The following MEGF11 variants were observed in gnomAD, a reference collection of about 807,000 sequenced individuals.
MEGF11 encodes multiple epidermal growth factor-like domains protein 11.
Under a neutral mutation model 146.6 loss-of-function variants are expected in MEGF11, and 126 were observed. The observed-to-expected ratio is 0.86, with a 90% CI of 0.74 to 1.00. The LOEUF is 1.00. Ranked by LOEUF, MEGF11 falls within the 50% of genes least tolerant of loss-of-function variation. MEGF11 has a pLI of 0.00. For synonymous variants in MEGF11, 532 were observed against 583.4 expected, an observed-to-expected ratio of 0.91 and a Z score of 1.27; for missense variants, 1,509 against 1,521.2, an observed-to-expected ratio of 0.99 and a Z score of 0.13.
intron 4 of MEGF11, among the ~76,000 whole-genome samples, chr15:66,104,407 T>G (rs1007925587): frequency 6.6e-6 from 1 of 152,212 alleles, no homozygotes; most frequent in East Asian, 1.9e-4. Flanking sequence ...CCTCTTACCA[T>G]AGTTACCATG....
At chr15:66,180,704 T>C (rs11858700) in intron 1 of MEGF11, among the ~76,000 whole-genome samples, 7,344 of 152,306 alleles carry the variant, frequency 0.048, 263 homozygotes, top group East Asian at 0.074. Context: ...TTCCATTCTA[T>C]TGATCCTCCC....
At chr15:66,245,286 A>G (rs1367247664) in intron 1 of MEGF11, among the ~76,000 whole-genome samples, 2 of 152,124 alleles carry the variant, frequency 1.3e-5, no homozygotes, top group African/African-American at 4.8e-5. Flanking sequence ...CTTGGGCTTC[A>G]TCTGGTAGGT....
intron 1 of MEGF11, among the ~76,000 whole-genome samples, chr15:66,134,841 C>A (rs957119417): frequency 2.0e-5 from 3 of 152,220 alleles, no homozygotes; most frequent in Non-Finnish European, 4.4e-5. Context: ...CCGAGAAAAA[C>A]CTGGGAGCAG....
chr15:66,224,262 G>A (rs1181227599), intron 1 of MEGF11, among the ~76,000 whole-genome samples: 2 of 152,054 alleles, frequency 1.3e-5, no homozygotes, highest in African/African-American at 4.8e-5. Context: ...TGTGTGTGTG[G>A]ATAAAAGGAA....
intron 15 of MEGF11, among the ~76,000 whole-genome samples, chr15:65,918,635 T>C (rs2079078912): frequency 6.6e-6 from 1 of 152,226 alleles, no homozygotes; most frequent in Non-Finnish European, 1.5e-5. Flanking sequence ...GACCTGTTGC[T>C]CAAGCCTCTC....
intron 5 of MEGF11, among the ~76,000 whole-genome samples, chr15:66,077,073 C>T (rs1370153855): frequency 1.3e-5 from 2 of 152,202 alleles, no homozygotes; most frequent in Non-Finnish European, 2.9e-5. Context: ...CCTTCAGGGG[C>T]TCCCCATGCC....
At chr15:66,057,854 C>T (rs974263144) in intron 5 of MEGF11, among the ~76,000 whole-genome samples, 1 of 152,164 alleles carries the variant, frequency 6.6e-6, no homozygotes, top group Non-Finnish European at 1.5e-5. Flanking sequence ...AACGAAAACC[C>T]CCTTTCAGCA....
intron 5 of MEGF11, among the ~76,000 whole-genome samples, chr15:66,004,843 G>T (rs182660684): frequency 2.0e-5 from 3 of 152,196 alleles, no homozygotes; most frequent in Non-Finnish European, 4.4e-5. Context: ...ATGGGACCCG[G>T]TGTGCTGTCC....
chr15:66,217,487 T>C (rs1383552639), intron 1 of MEGF11, among the ~76,000 whole-genome samples: 2 of 152,242 alleles, frequency 1.3e-5, no homozygotes, highest in Non-Finnish European at 2.9e-5. Flanking sequence ...AACTTGTTGT[T>C]TGATGTTAAA....
chr15:65,934,567 T>G (rs539765707), intron 10 of MEGF11, among the ~76,000 whole-genome samples: 2 of 152,308 alleles, frequency 1.3e-5, no homozygotes, highest in African/African-American at 4.8e-5. Context: ...GAGGTCGTTT[T>G]GTATGCTAAT....
At chr15:66,153,799 T>C (rs2089652939) in intron 1 of MEGF11, among the ~76,000 whole-genome samples, 1 of 152,088 alleles carries the variant, frequency 6.6e-6, no homozygotes, top group Non-Finnish European at 1.5e-5. Context: ...CTTCCCACTC[T>C]ACTCCCCGGG....
At chr15:66,171,337 A>T (rs2090249823) in intron 1 of MEGF11, among the ~76,000 whole-genome samples, 1 of 152,176 alleles carries the variant, frequency 6.6e-6, no homozygotes, top group Non-Finnish European at 1.5e-5. Context: ...CTAGGGTCCC[A>T]CCAGTGGTGC....
intron 9 of MEGF11, among the ~76,000 whole-genome samples, chr15:65,964,314 C>G (rs892431141): frequency 2.6e-5 from 4 of 152,226 alleles, no homozygotes; most frequent in African/African-American, 9.7e-5. Context: ...GGGCTGGCCC[C>G]AAGTTCAGGC....
chr15:66,195,832 C>T (rs939708185), intron 1 of MEGF11, among the ~76,000 whole-genome samples: 1 of 152,172 alleles, frequency 6.6e-6, no homozygotes, highest in African/African-American at 2.4e-5. Context: ...CGCGGTGGGG[C>T]CCTATCAGGT....
chr15:66,122,113 A>C (rs1223820892), intron 3 of MEGF11, among the ~76,000 whole-genome samples: 1 of 152,100 alleles, frequency 6.6e-6, no homozygotes, highest in African/African-American at 2.4e-5. Flanking sequence ...AAATACAAAA[A>C]TTAGAAGGGT....
At chr15:66,141,289 T>TGTGTGTGTGAGA (rs1555475806) in intron 1 of MEGF11, among the ~76,000 whole-genome samples, 2 of 101,252 alleles carry the variant, frequency 2.0e-5, no homozygotes, top group Non-Finnish European at 3.9e-5. Context: ...TGTGTGTGTG[T>TGTGTGTGTGAGA]GAGAGAGAGA....
chr15:66,222,815 T>C (rs2091768425), intron 1 of MEGF11, among the ~76,000 whole-genome samples: 2 of 152,342 alleles, frequency 1.3e-5, no homozygotes, highest in Admixed American at 6.5e-5. Context: ...CTAGGATGGT[T>C]ACAATCAAAA....
intron 5 of MEGF11, among the ~76,000 whole-genome samples, chr15:66,059,965 A>G (rs1023860028): frequency 3.9e-5 from 6 of 152,172 alleles, no homozygotes; most frequent in South Asian, 4.2e-4. Context: ...AGGACAGGGA[A>G]GTGTCTGAGG....
intron 8 of MEGF11, among the ~76,000 whole-genome samples, chr15:65,969,544 AAG>A (rs1313201962): frequency 6.6e-6 from 1 of 152,212 alleles, no homozygotes; most frequent in Non-Finnish European, 1.5e-5. Flanking sequence ...AAATAAGCCC[AAG>A]GCTAATGGAC....
Sources: gnomAD v4.1 joint callset for allele counts (sites outside exome capture counted in the v4.1 genomes callset) on GRCh38, gnomAD v4.1.1 for gene constraint, MANE v1.5 for transcripts, NCBI Gene and HGNC (gene_info 2026-07-23, HGNC 2026-07-21) for gene names.